The following LRRTM4 variants were observed in gnomAD, a reference collection of about 807,000 sequenced individuals.
LRRTM4 encodes the protein leucine-rich repeat transmembrane neuronal protein 4.
Under a neutral mutation model 47.6 loss-of-function variants are expected in LRRTM4, and 25 were observed. The observed-to-expected ratio is 0.53, with a 90% CI of 0.38 to 0.73. LRRTM4 has a LOEUF of 0.73. Among genes scored for constraint, LRRTM4 ranks in the 30% least tolerant of loss-of-function variants. The pLI is 0.00. For missense variants in LRRTM4, 638 were observed against 713.4 expected, an observed-to-expected ratio of 0.89 and a Z score of 1.20; for synonymous variants, 311 against 269.5, an observed-to-expected ratio of 1.15 and a Z score of -1.51.
intron 3 of LRRTM4, among the ~76,000 whole-genome samples, chr2:77,414,574 G>A (rs144790839): frequency 6.6e-6 from 1 of 152,252 alleles, no homozygotes; most frequent in South Asian, 2.1e-4. Context: ...GAAGCAATTA[G>A]ATAGAATTTT....
intron 3 of LRRTM4, among the ~76,000 whole-genome samples, chr2:77,086,223 T>A (rs73940296): frequency 6.6e-6 from 1 of 151,880 alleles, no homozygotes; most frequent in African/African-American, 2.4e-5. Flanking sequence ...AAGTAGAAAC[T>A]GTTATGTTTA....
intron 3 of LRRTM4, among the ~76,000 whole-genome samples, chr2:77,250,828 G>A (rs929667071): frequency 1.3e-5 from 2 of 152,098 alleles, no homozygotes; most frequent in Admixed American, 1.3e-4. Context: ...TAGCAGCCGG[G>A]CGTGATGGCT....
At chr2:77,356,427 G>A (rs1671971114) in intron 3 of LRRTM4, among the ~76,000 whole-genome samples, 1 of 152,046 alleles carries the variant, frequency 6.6e-6, no homozygotes, top group Non-Finnish European at 1.5e-5. Context: ...ACTAAGAGAA[G>A]GGAGCTTCAA....
chr2:76,793,202 C>G (rs2860869), intron 3 of LRRTM4, among the ~76,000 whole-genome samples: 89,468 of 151,950 alleles, frequency 0.59, 27,146 homozygotes, highest in East Asian at 0.77. Flanking sequence ...CTAGGTTTTA[C>G]AGAAAACACT....
intron 3 of LRRTM4, among the ~76,000 whole-genome samples, chr2:77,235,965 C>T (rs1345370618): frequency 1.3e-5 from 2 of 151,890 alleles, no homozygotes; most frequent in African/African-American, 2.4e-5. Context: ...GATGCCTCTA[C>T]TTTTGTTTTT....
intron 3 of LRRTM4, among the ~76,000 whole-genome samples, chr2:77,464,680 G>A (rs919313997): frequency 6.6e-6 from 1 of 152,046 alleles, no homozygotes; most frequent in African/African-American, 2.4e-5. Flanking sequence ...CTCTCGTGGT[G>A]AGGTCTGATA....
At chr2:76,912,158 A>C (rs1674089041) in intron 3 of LRRTM4, among the ~76,000 whole-genome samples, 1 of 151,956 alleles carries the variant, frequency 6.6e-6, no homozygotes, top group Non-Finnish European at 1.5e-5. Flanking sequence ...TGACCTTGTG[A>C]TCCCCCCGCC....
chr2:76,907,362 T>C (rs1427812477), intron 3 of LRRTM4, among the ~76,000 whole-genome samples: 2 of 151,264 alleles, frequency 1.3e-5, no homozygotes, highest in African/African-American at 2.4e-5. Flanking sequence ...GGGAAATTTA[T>C]AGCACTAAAT....
intron 3 of LRRTM4, among the ~76,000 whole-genome samples, chr2:77,146,001 C>T (rs1198877996): frequency 1.3e-5 from 2 of 152,044 alleles, no homozygotes; most frequent in Non-Finnish European, 2.9e-5. Flanking sequence ...TAGACCTCCA[C>T]CTGCTTCAGG....
chr2:77,291,780 T>C (rs1031991305), intron 3 of LRRTM4, among the ~76,000 whole-genome samples: 2 of 152,004 alleles, frequency 1.3e-5, no homozygotes, highest in Admixed American at 1.3e-4. Flanking sequence ...ATTTGATTAC[T>C]TCTCTAAAAC....
rs1672280906 is a variant in LRRTM4 at position 77,362,502 on chromosome 2, G to A, written c.1551+155816C>T. ...AGCTAAAAACAGAATATTAGAAAAGGTTAAACTATGATCACAAGCTGGTGC... is the reference window on the plus strand; with the variant it reads ...AGCTAAAAACAGAATATTAGAAAAGATTAAACTATGATCACAAGCTGGTGC... On this transcript the variant is annotated intron_variant, in intron 3 of 3. Coordinates refer to ENST00000409884, the MANE Select transcript of LRRTM4 (RefSeq NM_001134745.3). 2.6e-5 allele frequency among the ~76,000 whole-genome samples: 4 copies of A among 152,144 alleles called. No individual in the cohort carries two copies. In the South Asian group the frequency reaches 8.3e-4, roughly 32 times the overall value.
intron 3 of LRRTM4, among the ~76,000 whole-genome samples, chr2:76,999,388 C>T (rs1677328370): frequency 6.6e-6 from 1 of 151,282 alleles, no homozygotes; most frequent in Non-Finnish European, 1.5e-5. Context: ...TCTCTAGGGG[C>T]CAATCGTAGA....
chr2:76,787,636 TA>T (rs1674747132), intron 3 of LRRTM4, among the ~76,000 whole-genome samples: 1 of 152,068 alleles, frequency 6.6e-6, no homozygotes, highest in Non-Finnish European at 1.5e-5. Flanking sequence ...TGAGGATTAT[TA>T]TAGGGAAAAC....
chr2:76,761,648 C>T (rs947441556), intron 3 of LRRTM4, among the ~76,000 whole-genome samples: 1 of 152,210 alleles, frequency 6.6e-6, no homozygotes, highest in Admixed American at 6.5e-5. Context: ...ATAGCCCATT[C>T]CACTTTGCAC....
intron 3 of LRRTM4, among the ~76,000 whole-genome samples, chr2:77,403,667 TG>T (rs1177376094): frequency 6.6e-6 from 1 of 151,762 alleles, no homozygotes; most frequent in Non-Finnish European, 1.5e-5. Flanking sequence ...CTAATTGAGG[TG>T]GGTCTTAGAA....
chr2:77,510,508 G>C (rs1027059280), intron 3 of LRRTM4, among the ~76,000 whole-genome samples: 1 of 152,006 alleles, frequency 6.6e-6, no homozygotes, highest in Non-Finnish European at 1.5e-5. Context: ...AATATACAGT[G>C]AATACGAATT....
intron 3 of LRRTM4, among the ~76,000 whole-genome samples, chr2:77,191,242 T>C (rs151195642): frequency 3.0e-3 from 452 of 151,888 alleles, no homozygotes; most frequent in Middle Eastern, 0.014. Flanking sequence ...ACACCCGAAG[T>C]GTTTCTTTCA....
intron 3 of LRRTM4, among the ~76,000 whole-genome samples, chr2:76,873,776 A>G (rs1452435519): frequency 1.3e-5 from 2 of 151,644 alleles, no homozygotes; most frequent in Non-Finnish European, 2.9e-5. Context: ...GGTGAAGCAC[A>G]TGAAATAGGT....
At chr2:77,151,217 C>T (rs1573012454) in intron 3 of LRRTM4, among the ~76,000 whole-genome samples, 1 of 151,892 alleles carries the variant, frequency 6.6e-6, no homozygotes, top group Non-Finnish European at 1.5e-5. Context: ...CTGGAGTACA[C>T]AATACCATAT....
Sources: gnomAD v4.1 joint callset for allele counts (sites outside exome capture counted in the v4.1 genomes callset) on GRCh38, gnomAD v4.1.1 for gene constraint, MANE v1.5 for transcripts, NCBI Gene and HGNC (gene_info 2026-07-23, HGNC 2026-07-21) for gene names.